PALLD: variants seen among roughly 807,000 people sequenced by gnomAD.
PALLD encodes the protein palladin, cytoskeletal associated protein, also known as palladin.
Under a neutral mutation model 123.5 loss-of-function variants are expected in PALLD, and 61 were observed. The observed-to-expected ratio is 0.49, with a 90% CI of 0.40 to 0.61. The LOEUF (loss-of-function observed/expected upper bound fraction) is 0.61. Among genes scored for constraint, PALLD ranks in the 20% least tolerant of loss-of-function variants. The pLI is 0.00. For missense variants in PALLD, 1,273 were observed against 1,377.0 expected, an observed-to-expected ratio of 0.92 and a Z score of 1.20; for synonymous variants, 465 against 496.4, an observed-to-expected ratio of 0.94 and a Z score of 0.84.
At chr4:168,814,166 A>G (rs1487853149) in intron 10 of PALLD, among the ~76,000 whole-genome samples, 2 of 152,318 alleles carry the variant, frequency 1.3e-5, no homozygotes, top group East Asian at 3.9e-4. Flanking sequence ...AAACAATGAG[A>G]AAGGTTGAGT....
intron 2 of PALLD, among the ~76,000 whole-genome samples, chr4:168,548,667 T>C (rs113559067): frequency 2.0e-5 from 3 of 151,962 alleles, no homozygotes; most frequent in African/African-American, 7.3e-5. Flanking sequence ...GTAAGGAGAG[T>C]TGAAGTTCAA....
chr4:168,675,263 C>T (rs541600345), intron 3 of PALLD, among the ~76,000 whole-genome samples: 1 of 152,250 alleles, frequency 6.6e-6, no homozygotes, highest in African/African-American at 2.4e-5. Flanking sequence ...GAGAGGAGGG[C>T]AGGGCAGCGT....
intron 10 of PALLD, among the ~76,000 whole-genome samples, chr4:168,739,955 G>T (rs1255420881): frequency 6.6e-6 from 1 of 152,138 alleles, no homozygotes; most frequent in Non-Finnish European, 1.5e-5. Flanking sequence ...AGATACCATT[G>T]TTTCAGCTTA....
intron 2 of PALLD, among the ~76,000 whole-genome samples, chr4:168,596,420 G>A (rs1353355790): frequency 2.6e-5 from 4 of 152,100 alleles, no homozygotes; most frequent in Admixed American, 6.6e-5. Flanking sequence ...GAGCAGGTCT[G>A]TTGTCCTGGG....
At chr4:168,763,873 C>T (rs934335351) in intron 10 of PALLD, among the ~76,000 whole-genome samples, 2 of 152,120 alleles carry the variant, frequency 1.3e-5, no homozygotes, top group African/African-American at 2.4e-5. Flanking sequence ...CCTCCCCAAG[C>T]GAGCCTCAGA....
At chr4:168,673,833 C>T (rs547386390) in intron 3 of PALLD, among the ~76,000 whole-genome samples, 6 of 151,908 alleles carry the variant, frequency 3.9e-5, no homozygotes, top group South Asian at 4.2e-4. Flanking sequence ...ATGAGGAAGA[C>T]GGAAAAGGAA....
chr4:168,877,633 C>T, intron 10 of PALLD: 1 of 645,048 alleles, frequency 1.6e-6, no homozygotes, highest in Non-Finnish European at 2.0e-6. Context: ...GCCTAAGTGC[C>T]AAGCGATGTC....
chr4:168,699,093 T>C (rs1444880206), intron 8 of PALLD, among the ~76,000 whole-genome samples: 1 of 152,190 alleles, frequency 6.6e-6, no homozygotes, highest in Non-Finnish European at 1.5e-5. Flanking sequence ...TTTTTTTCTT[T>C]TCTGAGACAG....
intron 3 of PALLD, chr4:168,677,903 C>T (rs1489464528): frequency 6.5e-6 from 1 of 153,056 alleles, no homozygotes; most frequent in East Asian, 1.9e-4. Context: ...GCCCCAGCGT[C>T]CCAGTCCTGC....
chr4:168,501,421 A>T (rs971382336), intron 1 of PALLD, among the ~76,000 whole-genome samples: 1 of 152,126 alleles, frequency 6.6e-6, no homozygotes, highest in Non-Finnish European at 1.5e-5. Context: ...GGAAAAGAGA[A>T]GAAGAAGAAT....
At chr4:168,501,250 G>A (rs1252339458) in intron 1 of PALLD, among the ~76,000 whole-genome samples, 1 of 151,958 alleles carries the variant, frequency 6.6e-6, no homozygotes, top group African/African-American at 2.4e-5. Flanking sequence ...TATCTCTACA[G>A]AAAATAAAAA....
At chr4:168,767,542 ATTTTTTT>A (rs5863956) in intron 10 of PALLD, among the ~76,000 whole-genome samples, 1 of 125,694 alleles carries the variant, frequency 8.0e-6, no homozygotes, top group Non-Finnish European at 1.7e-5. Flanking sequence ...CCTGTCTCTG[ATTTTTTT>A]TTTTTTTTTT....
At chr4:168,620,003 A>C (rs1207206846) in intron 2 of PALLD, among the ~76,000 whole-genome samples, 1 of 151,036 alleles carries the variant, frequency 6.6e-6, no homozygotes, top group Non-Finnish European at 1.5e-5. Flanking sequence ...CACAATGTAA[A>C]TGTTTAAGAC....
At chr4:168,573,276 C>T (rs7693542) in intron 2 of PALLD, among the ~76,000 whole-genome samples, 96,942 of 151,614 alleles carry the variant, frequency 0.64, 31,185 homozygotes, top group East Asian at 0.91. Context: ...GATCCCTCCC[C>T]TACCCCATTT....
At chr4:168,832,260 G>T in intron 10 of PALLD, 1 of 891,762 alleles carries the variant, frequency 1.1e-6, no homozygotes, top group Non-Finnish European at 1.3e-6. Context: ...CGAGTCGGGA[G>T]TGCAGGGCTC....
intron 2 of PALLD, among the ~76,000 whole-genome samples, chr4:168,584,274 T>G (rs1770594403): frequency 6.6e-6 from 1 of 152,100 alleles, no homozygotes; most frequent in Non-Finnish European, 1.5e-5. Flanking sequence ...ATTAATATAT[T>G]CAGATTTCAA....
chr4:168,806,800 A>G (rs1382488997), intron 10 of PALLD, among the ~76,000 whole-genome samples: 2 of 152,214 alleles, frequency 1.3e-5, no homozygotes, highest in Non-Finnish European at 2.9e-5. Context: ...TTTTAAAAGC[A>G]AAATATTTGT....
At chr4:168,704,808 A>G (rs1439616010) in intron 8 of PALLD, among the ~76,000 whole-genome samples, 4 of 152,136 alleles carry the variant, frequency 2.6e-5, no homozygotes, top group Non-Finnish European at 5.9e-5. Context: ...CTGTTTTTAC[A>G]GACTCAATAG....
At chr4:168,533,257 A>G (rs910259265) in intron 2 of PALLD, among the ~76,000 whole-genome samples, 1 of 152,134 alleles carries the variant, frequency 6.6e-6, no homozygotes, top group Admixed American at 6.6e-5. Flanking sequence ...CTTCTAATTA[A>G]TTCTATCCAT....
Sources: allele counts gnomAD v4.1 joint callset (sites outside exome capture counted in the v4.1 genomes callset), GRCh38; gene constraint gnomAD v4.1.1; transcripts MANE v1.5; gene names NCBI Gene and HGNC (gene_info 2026-07-23, HGNC 2026-07-21).